The following UBAP2 variants were observed in gnomAD, a reference collection of about 807,000 sequenced individuals.
The protein encoded by UBAP2 is ubiquitin associated protein 2, also known as ubiquitin-associated protein 2.
In UBAP2, 75 loss-of-function variants were observed where a neutral mutation model predicts 139.6. That is an observed-to-expected ratio of 0.54 (90% CI 0.45 to 0.65). The LOEUF is 0.65. Ranked by LOEUF, UBAP2 falls within the 30% of genes least tolerant of loss-of-function variation. The pLI is 0.00. For synonymous variants in UBAP2, 526 were observed against 526.2 expected, an observed-to-expected ratio of 1.00 and a Z score of 0.01; for missense variants, 1,368 against 1,369.6, an observed-to-expected ratio of 1.00 and a Z score of 0.02.
At chr9:33,981,561 C>T (rs1820759459) in intron 6 of UBAP2, among the ~76,000 whole-genome samples, 1 of 149,702 alleles carries the variant, frequency 6.7e-6, no homozygotes, top group Non-Finnish European at 1.5e-5. Flanking sequence ...GCTACATTGT[C>T]CACTCTGATC....
chr9:34,013,152 CAAAAAAA>C (rs398010658), intron 2 of UBAP2, among the ~76,000 whole-genome samples: 39 of 78,322 alleles, frequency 5.0e-4, no homozygotes, highest in South Asian at 4.8e-3. Context: ...GACTCTAGCT[CAAAAAAA>C]AAAAAAAAAA....
chr9:33,983,290 T>C (rs954760126), intron 6 of UBAP2, among the ~76,000 whole-genome samples: 10 of 152,166 alleles, frequency 6.6e-5, no homozygotes, highest in Non-Finnish European at 1.5e-4. Flanking sequence ...TGTGACTAGA[T>C]TCCTACTGTC....
chr9:34,045,395 G>T (rs1827488563), intron 1 of UBAP2, among the ~76,000 whole-genome samples: 1 of 150,108 alleles, frequency 6.7e-6, no homozygotes, highest in African/African-American at 2.4e-5. Context: ...ATTTTTTTTT[G>T]AGACGGAGTC....
chr9:33,923,724 A>G (rs938903370), intron 24 of UBAP2, 71 bp downstream of exon 24: 3 of 1,490,290 alleles, frequency 2.0e-6, no homozygotes, highest in Non-Finnish European at 2.8e-6. Flanking sequence ...CTGCTGGAAG[A>G]TAGGTCCCAG....
At position 33,953,512 on chromosome 9, in the gene UBAP2, C is replaced by T. The variant is rs754771877; in HGVS notation, c.867-38G>A. On this transcript the variant is annotated intron_variant, in intron 11 of 28. Transcript: ENST00000379238. ...AAAGCAATGAGGAACCAGTCATAAG[C>T]AAATCTTACCAACAAATGAATGTGA... 6 of 1,564,382 alleles carry T rather than the reference C, an allele frequency of 3.8e-6. No homozygotes were observed. The Admixed American group carries it at 1.1e-4, about 30-fold the overall frequency.
At chr9:33,999,853 CGTATGTAT>C (rs67444158) in intron 2 of UBAP2, among the ~76,000 whole-genome samples, 1,513 of 138,252 alleles carry the variant, frequency 0.011, 21 homozygotes, top group African/African-American at 0.035. Flanking sequence ...GGGATTACTA[CGTATGTAT>C]GTATGTATGT....
chr9:33,998,742 C>T, intron 3 of UBAP2, 45 bp downstream of exon 3: 9 of 1,547,238 alleles, frequency 5.8e-6, no homozygotes, highest in Non-Finnish European at 8.0e-6. Flanking sequence ...TAAGCACAAT[C>T]AAAATAGATT....
rs1210823540 is a variant in UBAP2 at position 33,948,634 on chromosome 9, CT to C, written c.1057-48del. On this transcript the variant is annotated intron_variant, in intron 12 of 28. Transcript: ENST00000379238. Reference sequence around the variant, plus strand: ...ACAAATCCTCAACAATACAGAATTTCTGCCCAAGGCTTTAAAACATATCAAG... The same window carrying C: ...ACAAATCCTCAACAATACAGAATTTCGCCCAAGGCTTTAAAACATATCAAG... 5.8e-6 allele frequency: 9 copies of C among 1,541,144 alleles called. 1 individual carries two copies. The highest frequency in any genetic ancestry group is 5.4e-6 in the Non-Finnish European group (6 of 1,119,748).
intron 22 of UBAP2, among the ~76,000 whole-genome samples, chr9:33,924,615 G>A (rs1397201140): frequency 6.6e-6 from 1 of 152,180 alleles, no homozygotes; most frequent in Non-Finnish European, 1.5e-5. Flanking sequence ...TTTTCTGTGT[G>A]AGAGACTAGA....
intron 2 of UBAP2, among the ~76,000 whole-genome samples, chr9:34,003,875 A>G (rs7039749): frequency 0.39 from 59,689 of 151,752 alleles, 11,796 homozygotes; most frequent in Middle Eastern, 0.48. Context: ...ACATGCCACA[A>G]TGCCCGGCTA....
chr9:33,962,653 T>TAAAC (rs1827143230), intron 9 of UBAP2, among the ~76,000 whole-genome samples: 1 of 130,252 alleles, frequency 7.7e-6, no homozygotes, highest in Admixed American at 8.1e-5. Context: ...CAAAAATAAA[T>TAAAC]AAATAAATAA....
intron 2 of UBAP2, among the ~76,000 whole-genome samples, chr9:34,011,857 C>CTAA (rs1224445541): frequency 6.6e-6 from 1 of 152,044 alleles, no homozygotes; most frequent in African/African-American, 2.4e-5. Flanking sequence ...TGGCTTATTA[C>CTAA]GAACTAAGCT....
Position 33,922,784 on chromosome 9 carries a change from G to T in UBAP2, c.3167C>A (p.Ala1056Asp). Reference sequence around the variant, plus strand: ...GAATGGTGGGGGTGCATAGCCAGGGGCCGCTCCCGAGGCCAGGGGCCCAGT... The same window carrying T: ...GAATGGTGGGGGTGCATAGCCAGGGTCCGCTCCCGAGGCCAGGGGCCCAGT... ...GSTGPLASGA[A>D]PGYAPPPFLH... The change falls in exon 28 of 29, where the codon GCC (alanine) becomes GAC (aspartate). Residue 1056 changes from alanine to aspartate, a missense_variant. Ala to Asp is a moderately radical substitution (Grantham distance 126). Coordinates refer to ENST00000379238, the MANE Select transcript of UBAP2 (RefSeq NM_001370062.2). 6.4e-7 allele frequency: 1 copy of T among 1,561,096 alleles called. No individual in the cohort carries two copies. Among genetic ancestry groups the T allele is most frequent in the Non-Finnish European group, 8.7e-7 (1 of 1,153,260 alleles).
chr9:34,023,219 CAAA>C (rs773859149), intron 1 of UBAP2, among the ~76,000 whole-genome samples: 6 of 95,240 alleles, frequency 6.3e-5, no homozygotes, highest in Admixed American at 1.2e-4. Context: ...AAGACTGTCT[CAAA>C]AAAAAAAAAA....
At chr9:34,014,184 G>A (rs564816813) in intron 2 of UBAP2, among the ~76,000 whole-genome samples, 8 of 151,616 alleles carry the variant, frequency 5.3e-5, no homozygotes, top group African/African-American at 9.7e-5. Flanking sequence ...AAAGTTAGCC[G>A]GGCATGGTGG....
intron 22 of UBAP2, among the ~76,000 whole-genome samples, chr9:33,925,559 G>A (rs917087435): frequency 6.6e-5 from 10 of 152,194 alleles, no homozygotes; most frequent in Non-Finnish European, 1.3e-4. Flanking sequence ...AATGAATCCC[G>A]GGGCTCAGCA....
intron 1 of UBAP2, among the ~76,000 whole-genome samples, chr9:34,024,853 G>A (rs1392484456): frequency 3.3e-5 from 5 of 151,836 alleles, no homozygotes; most frequent in African/African-American, 7.3e-5. Context: ...GTGTGGTGGC[G>A]TGAGCCTGTA....
Position 34,037,997 on chromosome 9 carries a change from C to CA in UBAP2, c.-42+10827dup, listed in dbSNP as rs72361484. 5.6e-3 allele frequency among the ~76,000 whole-genome samples: 492 copies of CA among 87,344 alleles called. 4 individuals carry two copies. The highest frequency in any genetic ancestry group is 0.012 in the African/African-American group (271 of 22,308). 57.3% of individuals were successfully genotyped at this position (87,344 alleles called of 152,430 possible). On this transcript the variant is annotated intron_variant, in intron 1 of 28. Transcript: ENST00000379238. The stretch of plus-strand genomic sequence containing the variant: ...GCAATATGATGAAACCCTGTCTCTA[C>CA]AAAAAAAAAAAAAAAAAAAAAATTA...
intron 1 of UBAP2, among the ~76,000 whole-genome samples, chr9:34,027,609 G>A (rs2131316809): frequency 6.6e-6 from 1 of 152,040 alleles, no homozygotes; most frequent in South Asian, 2.1e-4. Context: ...TGTAATCCCA[G>A]CACTCTGGGA....
Sources: gnomAD v4.1 joint callset for allele counts (sites outside exome capture counted in the v4.1 genomes callset) on GRCh38, gnomAD v4.1.1 for gene constraint, MANE v1.5 for transcripts, NCBI Gene and HGNC (gene_info 2026-07-23, HGNC 2026-07-21) for gene names.